Variants in SLC4A4 observed in about 807,000 individuals in gnomAD.
SLC4A4 encodes the protein solute carrier family 4 member 4, also known as electrogenic sodium bicarbonate cotransporter 1.
A neutral mutation model predicts 111.5 loss-of-function variants in SLC4A4; 27 were observed. That is an observed-to-expected ratio of 0.24 (90% CI 0.18 to 0.33). The LOEUF (loss-of-function observed/expected upper bound fraction) is 0.33, where lower values mean the gene tolerates loss of function less well. Ranked by LOEUF, SLC4A4 falls within the 10% of genes least tolerant of loss-of-function variation. The pLI, the probability that SLC4A4 is intolerant of heterozygous loss-of-function variation, is 1.00. For missense variants in SLC4A4, 909 were observed against 1,315.5 expected (o/e 0.69, Z 4.78); for synonymous variants, 443 against 463.4 (o/e 0.96, Z 0.57).
intron 1 of SLC4A4, among the ~76,000 whole-genome samples, chr4:71,076,710 G>A (rs1463566208): frequency 6.6e-6 from 1 of 152,034 alleles, no homozygotes; most frequent in Non-Finnish European, 1.5e-5. Flanking sequence ...AAAAAATAAG[G>A]CCAGGCACAG....
chr4:71,132,115 C>T (rs1578509484), intron 2 of SLC4A4, among the ~76,000 whole-genome samples: 1 of 152,230 alleles, frequency 6.6e-6, no homozygotes, highest in East Asian at 1.9e-4. Context: ...TGTCCTGACA[C>T]TTTAAAAAAG....
intron 22 of SLC4A4, among the ~76,000 whole-genome samples, chr4:71,558,721 T>G (rs7656785): frequency 0.87 from 132,088 of 151,746 alleles, 58,473 homozygotes; most frequent in Non-Finnish European, 0.96. Flanking sequence ...TCTTAGCCAG[T>G]ATTATTATTT....
chr4:71,085,955 C>A (rs1704505949), intron 1 of SLC4A4, among the ~76,000 whole-genome samples: 1 of 151,958 alleles, frequency 6.6e-6, no homozygotes, highest in Admixed American at 6.6e-5. Flanking sequence ...TCTTTGGTAG[C>A]TTGATGGGGA....
chr4:71,352,763 G>T (rs1219675414), intron 5 of SLC4A4, among the ~76,000 whole-genome samples: 1 of 152,188 alleles, frequency 6.6e-6, no homozygotes, highest in Non-Finnish European at 1.5e-5. Flanking sequence ...AGATATTTCT[G>T]CATGTCACCT....
At chr4:71,514,868 T>C (rs907192122) in intron 16 of SLC4A4, among the ~76,000 whole-genome samples, 3 of 152,142 alleles carry the variant, frequency 2.0e-5, no homozygotes, top group Non-Finnish European at 4.4e-5. Flanking sequence ...TACTTGGATG[T>C]CTTCTTTCTT....
intron 2 of SLC4A4, among the ~76,000 whole-genome samples, chr4:71,139,247 A>T (rs924606485): frequency 3.3e-5 from 5 of 149,654 alleles, no homozygotes; most frequent in African/African-American, 1.2e-4. Context: ...CCTCACTCCC[A>T]CTTAGCAACC....
intron 6 of SLC4A4, among the ~76,000 whole-genome samples, chr4:71,363,175 A>G (rs975474716): frequency 1.4e-4 from 22 of 152,168 alleles, no homozygotes; most frequent in Admixed American, 6.5e-5. Flanking sequence ...ACCTACAGTA[A>G]CAGATAGGTG....
chr4:71,430,815 G>A (rs1723575977), intron 7 of SLC4A4, among the ~76,000 whole-genome samples: 1 of 152,114 alleles, frequency 6.6e-6, no homozygotes, highest in Non-Finnish European at 1.5e-5. Context: ...AAGGGAACAT[G>A]TTGATTTCTA....
intron 2 of SLC4A4, among the ~76,000 whole-genome samples, chr4:71,242,224 T>C (rs1266556945): frequency 6.6e-6 from 1 of 152,228 alleles, no homozygotes; most frequent in Non-Finnish European, 1.5e-5. Flanking sequence ...GTACTTGCAT[T>C]GTGTTTGGCA....
chr4:71,094,288 A>T (rs921207940), intron 2 of SLC4A4, among the ~76,000 whole-genome samples: 1 of 152,200 alleles, frequency 6.6e-6, no homozygotes, highest in Non-Finnish European at 1.5e-5. Flanking sequence ...TGGCTCACAT[A>T]TTGATGATCA....
At chr4:71,525,213 A>G (rs1051953796) in intron 16 of SLC4A4, among the ~76,000 whole-genome samples, 1 of 152,090 alleles carries the variant, frequency 6.6e-6, no homozygotes, top group South Asian at 2.1e-4. Context: ...TTTTCCATCC[A>G]CTTAATTTCT....
chr4:71,099,889 C>A (rs1166143067), intron 2 of SLC4A4, among the ~76,000 whole-genome samples: 1 of 152,094 alleles, frequency 6.6e-6, no homozygotes, highest in Non-Finnish European at 1.5e-5. Context: ...TATATCCTCC[C>A]AAGACTGAAC....
At chr4:71,337,292 G>T (rs1047394256) in intron 3 of SLC4A4, among the ~76,000 whole-genome samples, 10 of 152,070 alleles carry the variant, frequency 6.6e-5, no homozygotes, top group African/African-American at 2.2e-4. Flanking sequence ...GCACCGTGAG[G>T]GCTGCCTCAA....
intron 16 of SLC4A4, among the ~76,000 whole-genome samples, chr4:71,525,450 G>T (rs1037919996): frequency 6.6e-6 from 1 of 152,124 alleles, no homozygotes; most frequent in African/African-American, 2.4e-5. Context: ...AATTGAGGTA[G>T]AAATTATATG....
chr4:71,337,034 A>G (rs1728484391), intron 3 of SLC4A4, among the ~76,000 whole-genome samples: 1 of 152,216 alleles, frequency 6.6e-6, no homozygotes, highest in African/African-American at 2.4e-5. Flanking sequence ...CTGTGTGTGA[A>G]CTGAACAACA....
In SLC4A4 at chr4:71,513,153, A is replaced by G. The variant is rs181218977; in HGVS notation, c.2166+15461A>G. On this transcript the variant is annotated intron_variant, in intron 16 of 25. Coordinates refer to ENST00000264485, the MANE Select transcript of SLC4A4 (RefSeq NM_001098484.3). ...TTCTATATGAGTTTTATTAAATAGG[A>G]TTTTTTTTTCTAATTCTGTGAAGGT... 4.6e-5 allele frequency among the ~76,000 whole-genome samples: 7 copies of G among 151,350 alleles called. No individual in the cohort carries two copies. In the East Asian group the frequency reaches 1.4e-3, roughly 29 times the overall value.
At chr4:71,475,928 C>T (rs1004767117) in intron 14 of SLC4A4, among the ~76,000 whole-genome samples, 1 of 151,740 alleles carries the variant, frequency 6.6e-6, no homozygotes, top group South Asian at 2.1e-4. Flanking sequence ...AATAAACAGA[C>T]CTATCTTCAT....
chr4:71,360,328 G>T (rs978409591), intron 6 of SLC4A4, among the ~76,000 whole-genome samples: 7 of 152,038 alleles, frequency 4.6e-5, no homozygotes, highest in Non-Finnish European at 8.8e-5. Context: ...ATAAATCAGG[G>T]CTTGATTTTT....
At chr4:71,224,011 G>A (rs748450662) in intron 1 of SLC4A4, among the ~76,000 whole-genome samples, 9 of 152,022 alleles carry the variant, frequency 5.9e-5, no homozygotes, top group Non-Finnish European at 1.0e-4. Flanking sequence ...TACCTCTCCG[G>A]AGCCCGTGTC....
Sources: allele counts gnomAD v4.1 joint callset (sites outside exome capture counted in the v4.1 genomes callset), GRCh38; gene constraint gnomAD v4.1.1; transcripts MANE v1.5; gene names NCBI Gene and HGNC (gene_info 2026-07-23, HGNC 2026-07-21).